Variants in PDGFC observed in about 807,000 individuals in gnomAD.
The protein encoded by PDGFC is platelet derived growth factor C, also known as platelet-derived growth factor C.
A neutral mutation model predicts 35.5 loss-of-function variants in PDGFC; 12 were observed. The observed-to-expected ratio is 0.34, with a 90% CI of 0.22 to 0.55. PDGFC has a LOEUF of 0.55. PDGFC is among the 20% of genes least tolerant of loss of function. The pLI is 0.91. For synonymous variants in PDGFC, 159 were observed against 148.8 expected (o/e 1.07, Z -0.50); for missense variants, 322 against 412.4 (o/e 0.78, Z 1.90).
intron 1 of PDGFC, among the ~76,000 whole-genome samples, chr4:156,907,064 T>A (rs1287006997): frequency 2.0e-5 from 3 of 152,202 alleles, no homozygotes; most frequent in South Asian, 4.1e-4. Flanking sequence ...AATCTGTTTA[T>A]TTTACTCAGA....
intron 2 of PDGFC, among the ~76,000 whole-genome samples, chr4:156,827,435 A>C (rs1011910805): frequency 6.6e-6 from 1 of 151,668 alleles, no homozygotes; most frequent in Non-Finnish European, 1.5e-5. Context: ...AAAAAATAAC[A>C]GATTGATACA....
intron 1 of PDGFC, among the ~76,000 whole-genome samples, chr4:156,960,252 T>TTATATATATA (rs202066963): frequency 6.1e-4 from 83 of 137,118 alleles, no homozygotes; most frequent in African/African-American, 2.2e-3. Flanking sequence ...TATATAACTG[T>TTATATATATA]TATATATATA....
Position 156,763,570 on chromosome 4 carries a change from C to T in PDGFC, c.922-364G>A, listed in dbSNP as rs111629429. On this transcript the variant is annotated intron_variant, in intron 5 of 5. Coordinates refer to ENST00000502773, the MANE Select transcript of PDGFC (RefSeq NM_016205.3). ...ATATAAAATTCGTTTTTCTGTTTGTCGCTTTCTTTCATTCATTCATTTATT... is the reference window on the plus strand; with the variant it reads ...ATATAAAATTCGTTTTTCTGTTTGTTGCTTTCTTTCATTCATTCATTTATT... 8.6e-3 allele frequency among the ~76,000 whole-genome samples: 1,303 copies of T among 152,222 alleles called. 14 individuals are homozygous for T. Among genetic ancestry groups the T allele is most frequent in the Non-Finnish European group, 0.014 (984 of 68,012 alleles).
At chr4:156,935,671 A>G (rs968803205) in intron 1 of PDGFC, among the ~76,000 whole-genome samples, 2 of 152,238 alleles carry the variant, frequency 1.3e-5, no homozygotes, top group Non-Finnish European at 2.9e-5. Context: ...AGAAACACAC[A>G]TAAAATAAGG....
At position 156,970,847 on chromosome 4, in the gene PDGFC, C is replaced by T. The variant is rs1732575843; in HGVS notation, c.57G>A (p.Gly19=). The T allele has an allele frequency of 1.2e-6, 2 of 1,614,042 alleles. No homozygotes were observed. The highest frequency in any genetic ancestry group is 1.7e-6 in the Non-Finnish European group (2 of 1,179,932). The part of the protein sequence containing the change: ...LTSALAGQRQ[G]TQAESNLSSK... ...TACTCAGGTTGGATTCCGCCTGAGT[C>T]CCCTGTCTCTGGCCGGCCAGGGCAG... The change falls in exon 1 of 6, where the codon GGG becomes GGA. Residue 19 remains glycine, a synonymous_variant. Coordinates refer to ENST00000502773, the MANE Select transcript of PDGFC (RefSeq NM_016205.3).
At chr4:156,911,953 A>G (rs559868782) in intron 1 of PDGFC, among the ~76,000 whole-genome samples, 1 of 152,154 alleles carries the variant, frequency 6.6e-6, no homozygotes, top group South Asian at 2.1e-4. Context: ...GAATGTCTAA[A>G]TTTTTTGGCA....
chr4:156,783,004 T>C (rs942446895), intron 3 of PDGFC, among the ~76,000 whole-genome samples: 41 of 152,304 alleles, frequency 2.7e-4, no homozygotes, highest in African/African-American at 9.6e-4. Context: ...GTGAGTGTGA[T>C]TAATTCTGCC....
chr4:156,891,619 T>G (rs533330939), intron 1 of PDGFC, among the ~76,000 whole-genome samples: 2 of 152,336 alleles, frequency 1.3e-5, no homozygotes, highest in South Asian at 4.1e-4. Flanking sequence ...AACAGTGTTT[T>G]CCACCTTGCC....
At chr4:156,925,155 T>G (rs374814327) in intron 1 of PDGFC, among the ~76,000 whole-genome samples, 3 of 152,268 alleles carry the variant, frequency 2.0e-5, no homozygotes, top group South Asian at 2.1e-4. Flanking sequence ...AGGAAGGAAA[T>G]GTCAGTTGGC....
In PDGFC at chr4:156,850,188, T is replaced by G. The variant is rs192750239; in HGVS notation, c.314+33A>C. 214 of 1,147,378 alleles carry G rather than the reference T, an allele frequency of 1.9e-4. No individual in the cohort carries two copies. In the East Asian group the frequency reaches 5.2e-3, roughly 28 times the overall value. The allele number at this position is 1,147,378 out of a possible 1,614,324, so 71.1% of individuals were successfully genotyped here. On this transcript the variant is annotated intron_variant, in intron 2 of 5. Transcript: ENST00000502773. ...AATTTGAAAGACTTTTAACAGTTGT[T>G]ACATTGTTGGGATTTCAAGTATGAT...
At chr4:156,856,646 G>T (rs909067964) in intron 1 of PDGFC, among the ~76,000 whole-genome samples, 4 of 152,100 alleles carry the variant, frequency 2.6e-5, no homozygotes, top group African/African-American at 9.7e-5. Context: ...GCACATGGCA[G>T]CACCTAATAC....
rs527941977 is a variant in PDGFC, at chr4:156,780,028, T to C, written c.496-7135A>G. Among the ~76,000 whole-genome samples, 159 of 151,476 alleles carry C rather than the reference T, an allele frequency of 1.0e-3. 1 individual carries two copies. The highest frequency in any genetic ancestry group is 1.4e-3 in the Non-Finnish European group (97 of 67,926). On this transcript the variant is annotated intron_variant, in intron 3 of 5. Transcript: ENST00000502773. The stretch of plus-strand genomic sequence containing the variant: ...ATAAGTAATAATCAATGTGGAAAAC[T>C]AGAATTCCATGGGATGACTAAATAA...
At chr4:156,790,653 A>C (rs1458652606) in intron 3 of PDGFC, among the ~76,000 whole-genome samples, 1 of 152,336 alleles carries the variant, frequency 6.6e-6, no homozygotes, top group South Asian at 2.1e-4. Context: ...TATCCATCCC[A>C]ATTTTTCTCA....
At chr4:156,940,723 T>C (rs906094309) in intron 1 of PDGFC, among the ~76,000 whole-genome samples, 3 of 152,104 alleles carry the variant, frequency 2.0e-5, no homozygotes, top group African/African-American at 7.2e-5. Flanking sequence ...TTTTTTTGCC[T>C]TTTTCACTCC....
chr4:156,902,447 T>G (rs1730811952), intron 1 of PDGFC, among the ~76,000 whole-genome samples: 1 of 152,180 alleles, frequency 6.6e-6, no homozygotes, highest in Non-Finnish European at 1.5e-5. Context: ...GAATCTCGTT[T>G]TAATCATGTA....
chr4:156,964,416 A>C (rs1732415045), intron 1 of PDGFC, among the ~76,000 whole-genome samples: 1 of 148,430 alleles, frequency 6.7e-6, no homozygotes, highest in East Asian at 2.0e-4. Flanking sequence ...ATATATATAT[A>C]ACAGTATATA....
At chr4:156,895,678 A>C (rs1730617610) in intron 1 of PDGFC, among the ~76,000 whole-genome samples, 2 of 152,152 alleles carry the variant, frequency 1.3e-5, no homozygotes, top group Non-Finnish European at 2.9e-5. Context: ...TGAAAGTAAT[A>C]AATTCTACCT....
intron 1 of PDGFC, among the ~76,000 whole-genome samples, chr4:156,940,386 A>T (rs757191579): frequency 1.3e-5 from 2 of 152,146 alleles, no homozygotes; most frequent in African/African-American, 2.4e-5. Flanking sequence ...CACTCTGGAC[A>T]ATTGATTTTA....
At chr4:156,900,598 C>T (rs1411279778) in intron 1 of PDGFC, among the ~76,000 whole-genome samples, 3 of 151,856 alleles carry the variant, frequency 2.0e-5, no homozygotes, top group Non-Finnish European at 4.4e-5. Flanking sequence ...CCCAGCACTT[C>T]GGGAGGCTGA....
Sources: gnomAD v4.1 joint callset for allele counts (sites outside exome capture counted in the v4.1 genomes callset) on GRCh38, gnomAD v4.1.1 for gene constraint, MANE v1.5 for transcripts, NCBI Gene and HGNC (gene_info 2026-07-23, HGNC 2026-07-21) for gene names.